AIFM2: variants seen among roughly 807,000 people sequenced by gnomAD.
AIFM2 encodes the protein AIF family member 2, ferroptosis suppressor.
A neutral mutation model predicts 35.7 loss-of-function variants in AIFM2; 38 were observed. The observed-to-expected ratio is 1.06, with a 90% CI of 0.82 to 1.39. The LOEUF (loss-of-function observed/expected upper bound fraction) is 1.39. AIFM2 is among the 40% of genes most tolerant of loss of function. The probability of loss-of-function intolerance (pLI) is 0.00; values close to 1 mark genes in which losing one functional copy is unlikely to be tolerated. For missense variants in AIFM2, 476 were observed against 491.2 expected, an observed-to-expected ratio of 0.97 and a Z score of 0.29; for synonymous variants, 185 against 203.5, an observed-to-expected ratio of 0.91 and a Z score of 0.77.
In AIFM2 at chr10:70,124,036, C is replaced by T. The variant is rs754745933; in HGVS notation, c.49G>A (p.Val17Met). 14 of 1,610,802 alleles carry T rather than the reference C, an allele frequency of 8.7e-6. No individual in the cohort carries two copies. The Admixed American group carries it at 1.7e-4, about 19-fold the overall frequency. ...GCGATCCCGCCAAAGCCCCCACCCACAATCACCACGTGCAGAGCTCCCGAT... is the reference window on the plus strand; with the variant it reads ...GCGATCCCGCCAAAGCCCCCACCCATAATCACCACGTGCAGAGCTCCCGAT... Reference protein sequence around the residue: ...VESGALHVVIVGGGFGGIAAA... With the variant: ...VESGALHVVIMGGGFGGIAAA... The change falls in exon 2 of 9, where the codon GTG becomes ATG. Residue 17 changes from valine (V) to methionine (M), a missense_variant. Coordinates refer to ENST00000307864, the MANE Select transcript of AIFM2 (RefSeq NM_032797.6).
chr10:70,130,367 A>G (rs928882411), intron 1 of AIFM2, among the ~76,000 whole-genome samples: 3 of 152,128 alleles, frequency 2.0e-5, no homozygotes, highest in Admixed American at 6.5e-5. Flanking sequence ...TTCTGTCTCT[A>G]TAGATTTGTC....
chr10:70,120,690 G>A (rs1436269519), intron 4 of AIFM2, 91 bp from the exon 5 acceptor site: 5 of 1,429,828 alleles, frequency 3.5e-6, no homozygotes, highest in South Asian at 2.3e-5. Flanking sequence ...GTGGCTCCCT[G>A]GGCCAAAGGA....
intron 3 of AIFM2, among the ~76,000 whole-genome samples, chr10:70,122,790 A>G (rs2136660713): frequency 6.6e-6 from 1 of 152,344 alleles, no homozygotes; most frequent in Non-Finnish European, 1.5e-5. Context: ...TAAGCAAGCC[A>G]TTTAACCCTT....
intron 1 of AIFM2, among the ~76,000 whole-genome samples, 172 bp downstream of exon 1, chr10:70,132,562 G>A (rs1173182294): frequency 6.6e-6 from 1 of 152,202 alleles, no homozygotes; most frequent in Non-Finnish European, 1.5e-5. Context: ...ACAGAGAGGG[G>A]CGGGCCTGAG....
chr10:70,127,942 G>A (rs999541561), intron 1 of AIFM2, among the ~76,000 whole-genome samples: 2 of 152,206 alleles, frequency 1.3e-5, no homozygotes, highest in African/African-American at 2.4e-5. Flanking sequence ...GGAATAGGGA[G>A]GCCAGTGACT....
At position 70,115,054 on chromosome 10, in the gene AIFM2, T is replaced by G. The variant is rs772064688; in HGVS notation, c.836A>C (p.Asn279Thr). The G allele has an allele frequency of 6.2e-7, 1 of 1,614,200 alleles. No homozygotes were observed. ...NEHLQVEGHS[N>T]VYAIGDCADV... ...GGCACAGTCACCAATGGCGTAGACG[T>G]TGCTGTGGCCCTCCACCTGGAGGTG... Residue 279 changes from asparagine to threonine, a missense_variant, in exon 8 of 9, where the codon AAC (asparagine) becomes ACC (threonine). Coordinates refer to ENST00000307864, the MANE Select transcript of AIFM2 (RefSeq NM_032797.6).
intron 6 of AIFM2, 111 bp from the exon 7 acceptor site, chr10:70,116,885 G>T: frequency 7.6e-7 from 1 of 1,319,042 alleles, no homozygotes; most frequent in East Asian, 2.3e-5. Flanking sequence ...GGCCCAACTG[G>T]GCAATGGCTG....
At chr10:70,120,754 C>T (rs1194862566) in intron 4 of AIFM2, among the ~76,000 whole-genome samples, 155 bp from the exon 5 acceptor site, 1 of 152,224 alleles carries the variant, frequency 6.6e-6, no homozygotes, top group African/African-American at 2.4e-5. Context: ...TCCCACCCAC[C>T]TCGCAGAATT....
chr10:70,123,300 T>G, intron 3 of AIFM2, 105 bp downstream of exon 3: 1 of 971,184 alleles, frequency 1.0e-6, no homozygotes, highest in Admixed American at 2.3e-5. Flanking sequence ...ATTACAGGTG[T>G]GAGCCACCGC....
At chr10:70,127,709 A>T (rs2072584174) in intron 1 of AIFM2, among the ~76,000 whole-genome samples, 1 of 152,202 alleles carries the variant, frequency 6.6e-6, no homozygotes, top group Non-Finnish European at 1.5e-5. Context: ...CCCTAGTATC[A>T]TCAACCTGCT....
intron 1 of AIFM2, among the ~76,000 whole-genome samples, chr10:70,132,443 C>A (rs925504032): frequency 1.3e-5 from 2 of 152,250 alleles, no homozygotes; most frequent in Non-Finnish European, 2.9e-5. Context: ...CGGCCTAAGC[C>A]CATCTTCCTT....
In AIFM2 at chr10:70,114,197, A is replaced by T; in HGVS notation, c.1103T>A (p.Met368Lys). 6.2e-7 allele frequency: 1 copy of T among 1,613,328 alleles called. No individual in the cohort carries two copies. The highest frequency in any genetic ancestry group is 8.5e-7 in the Non-Finnish European group (1 of 1,179,746). ...TCTCCATCAAGGTGGAGACTGCCTCATGGTTTTCCAGCTCGTAGAGACGAA... is the reference window on the plus strand; with the variant it reads ...TCTCCATCAAGGTGGAGACTGCCTCTTGGTTTTCCAGCTCGTAGAGACGAA... ...DLFVSTSWKT[M>K]RQSPP is the part of the protein sequence containing the mutation. Residue 368 changes from methionine (M) to lysine (K), a missense_variant, in exon 9 of 9, where the codon ATG (methionine) becomes AAG (lysine). By Grantham distance (95) the Met-to-Lys change is moderately conservative (BLOSUM62 -1). Coordinates refer to ENST00000307864, the MANE Select transcript of AIFM2 (RefSeq NM_032797.6).
At position 70,123,950 on chromosome 10, in the gene AIFM2, G is replaced by A; in HGVS notation, c.135C>T (p.Ser45=). 6.2e-7 allele frequency: 1 copy of A among 1,608,878 alleles called. No homozygotes were observed. Among genetic ancestry groups the A allele is most frequent in the Non-Finnish European group, 8.5e-7 (1 of 1,176,456 alleles). The part of the protein sequence containing the change: ...VPFMLVDMKD[S]FHHNVAALRA... Reference sequence around the variant, plus strand: ...GGAGAGCAGCCACATTGTGGTGGAAGGAGTCCTTCATGTCCACCAGCATGA... The same window carrying A: ...GGAGAGCAGCCACATTGTGGTGGAAAGAGTCCTTCATGTCCACCAGCATGA... The change falls in exon 2 of 9, where the codon TCC becomes TCT. Residue 45 remains serine, a synonymous_variant. Transcript: ENST00000307864.
chr10:70,118,123 T>C (rs1381915349), intron 5 of AIFM2: 6 of 506,198 alleles, frequency 1.2e-5, no homozygotes, highest in Middle Eastern at 3.5e-4. Flanking sequence ...ACTCTTTCAG[T>C]ACCCTCCTGC....
At chr10:70,129,692 T>A (rs1277169168) in intron 1 of AIFM2, among the ~76,000 whole-genome samples, 1 of 152,200 alleles carries the variant, frequency 6.6e-6, no homozygotes, top group Non-Finnish European at 1.5e-5. Flanking sequence ...CTTAAGCTTT[T>A]GTATTGTTTG....
rs76665782 is a variant in AIFM2 at position 70,122,362 on chromosome 10, A to G, written c.294+1043T>C. Among the ~76,000 whole-genome samples, 502 of 152,312 alleles carry G rather than the reference A, an allele frequency of 3.3e-3. 2 individuals carry two copies. Among genetic ancestry groups the G allele is most frequent in the African/African-American group, 0.011 (471 of 41,574 alleles). On this transcript the variant is annotated intron_variant, in intron 3 of 8. Transcript: ENST00000307864. Reference sequence around the variant, plus strand: ...TCCAACCAGGAAACTATCTGGCCCCATTAATTCAAGAAGGGCTGGGTCACA... The same window carrying G: ...TCCAACCAGGAAACTATCTGGCCCCGTTAATTCAAGAAGGGCTGGGTCACA...
chr10:70,114,867 A>G (rs1431289872), intron 8 of AIFM2, 53 bp downstream of exon 8: 1 of 1,588,632 alleles, frequency 6.3e-7, no homozygotes, highest in African/African-American at 1.3e-5. Flanking sequence ...AGGCTTCCCC[A>G]TGTTTAACCC....
At chr10:70,129,264 G>A (rs866349316) in intron 1 of AIFM2, among the ~76,000 whole-genome samples, 4 of 151,514 alleles carry the variant, frequency 2.6e-5, no homozygotes, top group Non-Finnish European at 2.9e-5. Flanking sequence ...CTGTGATTTC[G>A]AGCTGTAGAA....
intron 1 of AIFM2, among the ~76,000 whole-genome samples, chr10:70,130,929 C>T (rs753137403): frequency 6.6e-6 from 1 of 152,192 alleles, no homozygotes; most frequent in Non-Finnish European, 1.5e-5. Context: ...CACATACACA[C>T]AGACACACAC....
Sources: allele counts gnomAD v4.1 joint callset (sites outside exome capture counted in the v4.1 genomes callset), GRCh38; gene constraint gnomAD v4.1.1; transcripts MANE v1.5; gene names NCBI Gene and HGNC (gene_info 2026-07-23, HGNC 2026-07-21).